The following TBX22 variants were observed in gnomAD, a reference collection of about 807,000 sequenced individuals.
The protein encoded by TBX22 is T-box transcription factor TBX22.
Under a neutral mutation model 30.1 loss-of-function variants are expected in TBX22, and 8 were observed. The observed-to-expected ratio is 0.27, with a 90% confidence interval of 0.16 to 0.48. The LOEUF is 0.48. Among genes scored for constraint, TBX22 ranks in the 20% least tolerant of loss-of-function variants. The probability of loss-of-function intolerance (pLI) is 0.99; values close to 1 mark genes in which losing one functional copy is unlikely to be tolerated. For missense variants in TBX22, 463 were observed against 400.5 expected, an observed-to-expected ratio of 1.16 and a Z score of -1.33; for synonymous variants, 173 against 149.1, an observed-to-expected ratio of 1.16 and a Z score of -1.17.
intron 8 of TBX22, among the ~76,000 whole-genome samples, chrX:80,028,778 A>G (rs896665938): frequency 4.5e-5 from 5 of 111,444 alleles, no homozygotes; most frequent in African/African-American, 1.6e-4. Flanking sequence ...ACTCCATCGA[A>G]GTTGCTTGTC....
At chrX:80,018,162 G>A (rs1238908865) in intron 1 of TBX22, among the ~76,000 whole-genome samples, 1 of 112,121 alleles carries the variant, frequency 8.9e-6, no homozygotes, top group Non-Finnish European at 1.9e-5. Context: ...GAGGGATTCA[G>A]TGTGAGAATT....
chrX:80,023,810 G>T (rs914212258), intron 3 of TBX22, among the ~76,000 whole-genome samples: 1 of 111,815 alleles, frequency 8.9e-6, no homozygotes. Flanking sequence ...TTTTTATTAT[G>T]GTTGGGGAGG....
intron 1 of TBX22, among the ~76,000 whole-genome samples, chrX:80,015,480 A>C (rs775602435): frequency 8.9e-6 from 1 of 112,790 alleles, no homozygotes; most frequent in South Asian, 3.7e-4. Flanking sequence ...CTTTGCACTC[A>C]TTTGATTTCA....
At chrX:80,018,512 G>A (rs1468374595) in intron 1 of TBX22, among the ~76,000 whole-genome samples, 2 of 112,079 alleles carry the variant, frequency 1.8e-5, no homozygotes, top group African/African-American at 6.5e-5. Flanking sequence ...TTAGCCAAAA[G>A]TTGGGGGTTC....
At position 80,030,728 on chromosome X, in the gene TBX22, C is replaced by T. The variant is rs1924210553; in HGVS notation, c.1180C>T (p.Leu394=). The change falls in exon 9 of 9, where the codon CTA becomes TTA. Residue 394 remains leucine, a synonymous_variant. Transcript: ENST00000373296. ...QPLVLPAPER[L]ASSNSSQSLA... ...TCTTGTTTTACCGGCTCCTGAAAGA[C>T]TAGCAAGCAGCAACAGTTCTCAGTC... The T allele has an allele frequency of 8.3e-7, 1 of 1,211,980 alleles. No homozygotes were observed.
intron 4 of TBX22, 86 bp downstream of exon 4, chrX:80,024,250 T>C: frequency 1.2e-6 from 1 of 862,346 alleles, no homozygotes; most frequent in Non-Finnish European, 1.7e-6. Context: ...CAGCATGACT[T>C]TGAAAACTCT....
At chrX:80,016,791 A>G (rs1309670472) in intron 1 of TBX22, among the ~76,000 whole-genome samples, 3 of 110,754 alleles carry the variant, frequency 2.7e-5, no homozygotes, top group African/African-American at 9.9e-5. Context: ...AGATCACCTG[A>G]GGTCAGGAGT....
Position 80,025,691 on chromosome X carries a change from C to A in TBX22, c.547C>A (p.Pro183Thr), listed in dbSNP as rs778648477. ...IPRFYVHPDS[P>T]CSGETWMRQI... Reference sequence around the variant, plus strand: ...TAGATTCTATGTTCACCCGGACTCACCCTGCTCGGGAGAGACCTGGATGCG... The same window carrying A: ...TAGATTCTATGTTCACCCGGACTCAACCTGCTCGGGAGAGACCTGGATGCG... Residue 183 changes from proline to threonine, a missense_variant, in exon 5 of 9, where the codon CCC becomes ACC. Transcript: ENST00000373296. The A allele has an allele frequency of 8.3e-7, 1 of 1,210,195 alleles. No individual in the cohort carries two copies.
rs777522841 is a variant in TBX22, at chrX:80,023,238, C to A, written c.354C>A (p.Gly118=). Residue 118 remains glycine, a splice_region_variant and synonymous_variant, in exon 3 of 9, where the codon GGC becomes GGA. Coordinates refer to ENST00000373296, the MANE Select transcript of TBX22 (RefSeq NM_001109878.2). ...CTGAGATGATCATTACTAAAGCGGG[C>A]AGGTTCGGTTCTGCCCAAGCTGTTC... ...IGTEMIITKA[G]RRMFPSVRVK... is the part of the protein sequence containing the mutation. 8.3e-7 allele frequency: 1 copy of A among 1,208,880 alleles called. No homozygotes were observed. The highest frequency in any genetic ancestry group is 1.8e-5 in the African/African-American group (1 of 57,007).
At chrX:80,015,581 C>T (rs1442627629) in intron 1 of TBX22, among the ~76,000 whole-genome samples, 1 of 112,134 alleles carries the variant, frequency 8.9e-6, no homozygotes, top group Non-Finnish European at 1.9e-5. Flanking sequence ...TTTACTTATT[C>T]CTGATTTTTC....
chrX:80,026,972 A>G (rs1210087952), intron 6 of TBX22, 104 bp downstream of exon 6: 1 of 858,547 alleles, frequency 1.2e-6, no homozygotes, highest in Non-Finnish European at 1.7e-6. Context: ...ACAATTCTAA[A>G]TAAAAATCAT....
chrX:80,022,399 G>C lies in TBX22; in HGVS notation c.130G>C (p.Glu44Gln). The stretch of plus-strand genomic sequence containing the variant: ...GCGGGAGAAAAAGGGCGGAGAGGAA[G>C]AGGAGGAGAGAAGGAGCAGCGCTGC... The part of the protein sequence containing the change: ...ELREKKGGEE[E>Q]EERRSSAAGK... The change falls in exon 2 of 9, where the codon GAG becomes CAG. Residue 44 changes from glutamate to glutamine, a missense_variant. Glu to Gln is a conservative substitution (Grantham distance 29). Coordinates refer to ENST00000373296, the MANE Select transcript of TBX22 (RefSeq NM_001109878.2). The C allele has an allele frequency of 8.3e-7, 1 of 1,205,274 alleles. No individual in the cohort carries two copies. Among genetic ancestry groups the C allele is most frequent in the Non-Finnish European group, 1.1e-6 (1 of 892,117 alleles).
chrX:80,025,209 CAA>C (rs1923913787), intron 4 of TBX22, among the ~76,000 whole-genome samples: 1 of 111,534 alleles, frequency 9.0e-6, no homozygotes, highest in African/African-American at 3.3e-5. Flanking sequence ...AGGGCTTCCA[CAA>C]AGAGTGGTGA....
Position 80,031,302 on chromosome X carries a change from A to G in TBX22, c.*191A>G. The G allele has an allele frequency of 2.2e-6, 1 of 444,524 alleles. No individual in the cohort carries two copies. Among genetic ancestry groups the G allele is most frequent in the Non-Finnish European group, 3.8e-6 (1 of 264,597 alleles). The allele number at this position is 444,524 out of a possible 1,213,427, so 36.6% of individuals were successfully genotyped here. On this transcript the variant is annotated 3_prime_UTR_variant, in exon 9 of 9. Transcript: ENST00000373296. ...AGAGTTGTTTATAATGTCAAATGAAACCTACAGGAATCTCTGATTACAGTG... is the reference window on the plus strand; with the variant it reads ...AGAGTTGTTTATAATGTCAAATGAAGCCTACAGGAATCTCTGATTACAGTG...
rs1461373694 is a variant in TBX22, at chrX:80,023,102, G to A, written c.218G>A (p.Gly73Asp). 9.1e-6 allele frequency: 11 copies of A among 1,211,759 alleles called. No individual in the cohort carries two copies. The highest frequency in any genetic ancestry group is 1.2e-5 in the Non-Finnish European group (11 of 895,471). The change falls in exon 3 of 9, where the codon GGC becomes GAC. Residue 73 changes from glycine (G) to aspartate (D), a missense_variant. Coordinates refer to ENST00000373296, the MANE Select transcript of TBX22 (RefSeq NM_001109878.2). ...GAGCCCTCAACATCTGCTTCCTCTG[G>A]CTGCGGCAGCGACAGCGGCTACGGC... ...KTEPSTSASS[G>D]CGSDSGYGNS...
At chrX:80,020,037 A>G (rs1923608397) in intron 1 of TBX22, among the ~76,000 whole-genome samples, 1 of 111,532 alleles carries the variant, frequency 9.0e-6, no homozygotes, top group South Asian at 3.8e-4. Context: ...TTATTTTTAC[A>G]AAAATCTATT....
intron 6 of TBX22, 65 bp from the exon 7 acceptor site, chrX:80,027,191 G>T: frequency 1.6e-6 from 1 of 634,284 alleles, no homozygotes; most frequent in Non-Finnish European, 2.7e-6. Flanking sequence ...ACCACTATAA[G>T]CAATGGCAAC....
intron 8 of TBX22, among the ~76,000 whole-genome samples, chrX:80,028,958 G>GAAA (rs11413078): frequency 8.7e-5 from 9 of 103,178 alleles, no homozygotes; most frequent in South Asian, 4.3e-4. Flanking sequence ...GGAATTGCAT[G>GAAA]AAAAAAAAAA....
At chrX:80,016,943 T>C (rs1257165613) in intron 1 of TBX22, among the ~76,000 whole-genome samples, 1 of 94,670 alleles carries the variant, frequency 1.1e-5, no homozygotes, top group East Asian at 3.8e-4. Context: ...GGGGCAGAGG[T>C]TGCAGTGAGC....
Sources: gnomAD v4.1 joint callset for allele counts (sites outside exome capture counted in the v4.1 genomes callset) on GRCh38, gnomAD v4.1.1 for gene constraint, MANE v1.5 for transcripts, NCBI Gene and HGNC (gene_info 2026-07-23, HGNC 2026-07-21) for gene names.